PLCG2: variants seen among roughly 807,000 people sequenced by gnomAD.
The protein encoded by PLCG2 is 1-phosphatidylinositol 4,5-bisphosphate phosphodiesterase gamma-2.
A neutral mutation model predicts 175.6 loss-of-function variants in PLCG2; 69 were observed. The observed-to-expected ratio is 0.39, with a 90% CI of 0.32 to 0.48. The LOEUF is 0.48. Ranked by LOEUF, PLCG2 falls within the 20% of genes least tolerant of loss-of-function variation. PLCG2 has a pLI of 0.91. For synonymous variants in PLCG2, 827 were observed against 624.0 expected, an observed-to-expected ratio of 1.33 and a Z score of -4.85; for missense variants, 1,798 against 1,650.9, an observed-to-expected ratio of 1.09 and a Z score of -1.54.
At chr16:81,824,737 G>T (rs556881985) in intron 2 of PLCG2, among the ~76,000 whole-genome samples, 35 of 152,286 alleles carry the variant, frequency 2.3e-4, no homozygotes, top group East Asian at 1.2e-3. Flanking sequence ...TCCCCATGAT[G>T]TCACCTTTCA....
intron 3 of PLCG2, among the ~76,000 whole-genome samples, chr16:81,857,143 C>G (rs968509915): frequency 4.6e-5 from 7 of 152,196 alleles, no homozygotes; most frequent in African/African-American, 1.7e-4. Context: ...ATGACTGAAC[C>G]TTTGATATAC....
chr16:81,916,483 A>G (rs1017967206), intron 19 of PLCG2, among the ~76,000 whole-genome samples: 12 of 152,194 alleles, frequency 7.9e-5, no homozygotes, highest in African/African-American at 2.9e-4. Flanking sequence ...GACAAATAAA[A>G]GTTGTTTATA....
chr16:81,896,068 A>G lies in PLCG2; in HGVS notation c.1193+141A>G. The G allele has an allele frequency of 2.8e-6, 3 of 1,066,794 alleles. No individual in the cohort carries two copies. In the South Asian group the frequency reaches 4.3e-5, roughly 15 times the overall value. 66.1% of individuals were successfully genotyped at this position (1,066,794 alleles called of 1,614,324 possible). ...CCTGGGCCCCATCTTGGCCAAAGCC[A>G]CTGCCATCAAGTTCTCACCCGAGTG... On this transcript the variant is annotated intron_variant, in intron 13 of 32. Transcript: ENST00000564138.
intron 23 of PLCG2, among the ~76,000 whole-genome samples, chr16:81,928,350 G>A (rs1910362875): frequency 6.6e-6 from 1 of 152,014 alleles, no homozygotes; most frequent in Non-Finnish European, 1.5e-5. Flanking sequence ...ATGAAACTCC[G>A]AACCTCCTGG....
chr16:81,775,489 C>A (rs747172085), upstream of PLCG2, among the ~76,000 whole-genome samples: 7 of 152,126 alleles, frequency 4.6e-5, no homozygotes, highest in Non-Finnish European at 8.8e-5. Flanking sequence ...AAATAGTCAG[C>A]CTTGGTTTTG....
At chr16:81,883,551 A>T (rs1567515242) in intron 9 of PLCG2, 1 of 592,704 alleles carries the variant, frequency 1.7e-6, no homozygotes, top group Non-Finnish European at 3.0e-6. Flanking sequence ...ACTCTGGATG[A>T]GAAGAGCCTC....
At position 81,927,184 on chromosome 16, in the gene PLCG2, T is replaced by A. The variant is rs1910310098; in HGVS notation, c.2514+6T>A. On this transcript the variant is annotated splice_donor_region_variant and intron_variant, in intron 23 of 32. Coordinates refer to ENST00000564138, the MANE Select transcript of PLCG2 (RefSeq NM_002661.5). ...TCGAGGAGCTAGAAAAGCAGGTGAG[T>A]CCCCCTCTTCGATCCTCTTACAGGA... 6.3e-7 allele frequency: 1 copy of A among 1,589,760 alleles called. No individual in the cohort carries two copies. The highest frequency in any genetic ancestry group is 8.6e-7 in the Non-Finnish European group (1 of 1,158,096).
intron 1 of PLCG2, among the ~76,000 whole-genome samples, chr16:81,750,961 C>T (rs1441561262): frequency 2.7e-5 from 4 of 146,122 alleles, no homozygotes; most frequent in Admixed American, 6.9e-5. Flanking sequence ...GCGTGAGCCA[C>T]CGCACCCAGC....
At chr16:81,867,518 A>T (rs1365132005) in intron 5 of PLCG2, among the ~76,000 whole-genome samples, 3 of 152,180 alleles carry the variant, frequency 2.0e-5, no homozygotes, top group Non-Finnish European at 2.9e-5. Context: ...GATGGAGATG[A>T]TCATGGTACC....
At chr16:81,889,509 C>T (rs775882830) in intron 10 of PLCG2, 13 of 395,986 alleles carry the variant, frequency 3.3e-5, no homozygotes, top group Admixed American at 1.3e-4. Flanking sequence ...TAGACAGAAC[C>T]GATTGATCAA....
chr16:81,886,250 A>T (rs545412590), intron 9 of PLCG2, among the ~76,000 whole-genome samples: 1 of 152,186 alleles, frequency 6.6e-6, no homozygotes, highest in Non-Finnish European at 1.5e-5. Flanking sequence ...GGCTGCCCTT[A>T]GAGATCAGGG....
chr16:81,877,795 A>T (rs1907876570), intron 7 of PLCG2, among the ~76,000 whole-genome samples: 2 of 149,586 alleles, frequency 1.3e-5, no homozygotes, highest in Admixed American at 1.3e-4. Flanking sequence ...TGGCTTGTAG[A>T]TGTCATTGCA....
At chr16:81,766,174 A>C (rs1910145836) in intron 2 of PLCG2, among the ~76,000 whole-genome samples, 1 of 152,058 alleles carries the variant, frequency 6.6e-6, no homozygotes, top group Non-Finnish European at 1.5e-5. Flanking sequence ...TGACCTTTAG[A>C]GTCAAGAGGA....
upstream of PLCG2, among the ~76,000 whole-genome samples, chr16:81,775,326 C>T (rs180915928): frequency 2.0e-5 from 3 of 152,182 alleles, no homozygotes; most frequent in East Asian, 3.9e-4. Flanking sequence ...ATAGGTGGGT[C>T]TTATGATGGG....
intron 2 of PLCG2, among the ~76,000 whole-genome samples, chr16:81,762,609 T>C (rs1910064970): frequency 1.3e-5 from 2 of 152,028 alleles, no homozygotes; most frequent in African/African-American, 2.4e-5. Flanking sequence ...TATTTTCCTT[T>C]AACATAAGGA....
At chr16:81,746,545 C>T (rs1234004948) in intron 1 of PLCG2, among the ~76,000 whole-genome samples, 1 of 152,154 alleles carries the variant, frequency 6.6e-6, no homozygotes, top group Non-Finnish European at 1.5e-5. Context: ...AGGGGATGAA[C>T]AACTTTTGGA....
chr16:81,954,321 G>A (rs751665807), intron 31 of PLCG2, among the ~76,000 whole-genome samples: 5 of 152,094 alleles, frequency 3.3e-5, no homozygotes, highest in African/African-American at 2.4e-5. Flanking sequence ...TGCGCCCGGC[G>A]ACTTGATTCT....
intron 2 of PLCG2, among the ~76,000 whole-genome samples, chr16:81,767,313 T>G (rs897043144): frequency 1.3e-4 from 20 of 151,882 alleles, no homozygotes; most frequent in African/African-American, 4.8e-4. Context: ...CCTGGCTAAT[T>G]TTTGTATTTT....
chr16:81,835,895 A>G (rs1482123035), intron 2 of PLCG2, among the ~76,000 whole-genome samples: 1 of 151,928 alleles, frequency 6.6e-6, no homozygotes, highest in Non-Finnish European at 1.5e-5. Context: ...TCTCCCTCTG[A>G]GTGTGTCTCT....
Sources: gnomAD v4.1 joint callset for allele counts (sites outside exome capture counted in the v4.1 genomes callset) on GRCh38, gnomAD v4.1.1 for gene constraint, MANE v1.5 for transcripts, NCBI Gene and HGNC (gene_info 2026-07-23, HGNC 2026-07-21) for gene names.